ICMT: variants seen among roughly 807,000 people sequenced by gnomAD.
ICMT encodes the protein protein-S-isoprenylcysteine O-methyltransferase.
ICMT carries 10 observed loss-of-function variants against 32.2 expected under a neutral mutation model. The ratio of observed to expected loss-of-function variants is 0.31; its 90% CI spans 0.19 to 0.53. The LOEUF is 0.53. ICMT is among the 20% of genes least tolerant of loss of function. ICMT has a pLI of 0.96. For missense variants in ICMT, 265 were observed against 356.9 expected, an observed-to-expected ratio of 0.74 and a Z score of 2.07; for synonymous variants, 183 against 158.2, an observed-to-expected ratio of 1.16 and a Z score of -1.18.
chr1:6,225,382 G>C (rs1668630129), intron 4 of ICMT, 120 bp from the exon 5 acceptor site: 6 of 924,964 alleles, frequency 6.5e-6, no homozygotes, highest in African/African-American at 1.7e-5. Context: ...GAGACCGTCA[G>C]GGTCTCTGGG....
chr1:6,227,594 G>T (rs762930368), intron 4 of ICMT, among the ~76,000 whole-genome samples: 3 of 152,230 alleles, frequency 2.0e-5, no homozygotes, highest in South Asian at 4.1e-4. Flanking sequence ...GATGGCTCAC[G>T]CCTGTAATCC....
At position 6,224,907 on chromosome 1, in the gene ICMT, T is replaced by C; in HGVS notation, c.*173A>G. 3.0e-6 allele frequency: 2 copies of C among 661,230 alleles called. No homozygotes were observed. The highest frequency in any genetic ancestry group is 5.3e-6 in the Non-Finnish European group (2 of 377,072). The allele number at this position is 661,230 out of a possible 1,614,324, so 41.0% of individuals were successfully genotyped here. A position where few individuals can be genotyped will look rare whatever the true frequency, so the allele number is the denominator to read the frequency against. On this transcript the variant is annotated 3_prime_UTR_variant, in exon 5 of 5. Transcript: ENST00000343813. ...TCGGCATAAGGACAGACTGCTCCAG[T>C]GGGGCCTTGGGTCCTCAGGCCTTCT... is the stretch of plus-strand genomic sequence containing the variant.
In ICMT at chr1:6,234,912, G is replaced by A. The variant is rs762795960; in HGVS notation, c.258C>T (p.Ser86=). The A allele has an allele frequency of 2.5e-6, 4 of 1,613,908 alleles. No individual in the cohort carries two copies. The highest frequency in any genetic ancestry group is 3.4e-6 in the Non-Finnish European group (4 of 1,179,894). Residue 86 remains serine (S), a synonymous_variant, in exon 2 of 5, where the codon AGC becomes AGT. Coordinates refer to ENST00000343813, the MANE Select transcript of ICMT (RefSeq NM_012405.4). ...VFGCGTLLSF[S]QSSWSHFGWY... ...AGCCAAAGTGACTCCAAGAAGACTGGCTAAAACTTAGCAGCGTGCCGCAGC... is the reference window on the plus strand; with the variant it reads ...AGCCAAAGTGACTCCAAGAAGACTGACTAAAACTTAGCAGCGTGCCGCAGC...
At chr1:6,229,596 T>A (rs1378836415) in intron 4 of ICMT, among the ~76,000 whole-genome samples, 1 of 150,636 alleles carries the variant, frequency 6.6e-6, no homozygotes, top group East Asian at 2.0e-4. Context: ...GAGGCGGAGG[T>A]TGCAATGAGC....
intron 2 of ICMT, chr1:6,234,518 G>A (rs750560008): frequency 1.1e-4 from 53 of 483,154 alleles, no homozygotes; most frequent in Non-Finnish European, 2.0e-4. Flanking sequence ...TGACCTAATA[G>A]AAATTAGAGA....
Position 6,221,903 on chromosome 1 carries a change from C to A in ICMT, c.*3177G>T, listed in dbSNP as rs1668560126. ...TTCTGACAGTACCTATTTTCCACTT[C>A]AGAATCTCCACTTTAAAACCTGCAA... On this transcript the variant is annotated 3_prime_UTR_variant, in exon 5 of 5. Coordinates refer to ENST00000343813, the MANE Select transcript of ICMT (RefSeq NM_012405.4). The A allele has an allele frequency of 6.6e-6, 1 of 152,224 alleles. No individual in the cohort carries two copies. The highest frequency in any genetic ancestry group is 2.4e-5 in the African/African-American group (1 of 41,446). 9.4% of individuals were successfully genotyped at this position (152,224 alleles called of 1,614,324 possible). A position where few individuals can be genotyped will look rare whatever the true frequency, so the allele number is the denominator to read the frequency against.
Position 6,221,464 on chromosome 1 carries a change from A to C in ICMT, c.*3616T>G, listed in dbSNP as rs990533670. ...ATGACAGAGAGGCCGAGGCCTTCTA[A>C]CCTTGCCAAACCACTACAAAAGCAA... On this transcript the variant is annotated 3_prime_UTR_variant, in exon 5 of 5. Coordinates refer to ENST00000343813, the MANE Select transcript of ICMT (RefSeq NM_012405.4). 4 of 152,596 alleles carry C rather than the reference A, an allele frequency of 2.6e-5. No homozygotes were observed. Among genetic ancestry groups the C allele is most frequent in the African/African-American group, 9.7e-5 (4 of 41,440 alleles). 9.5% of individuals were successfully genotyped at this position (152,596 alleles called of 1,614,324 possible).
Position 6,224,969 on chromosome 1 carries a change from C to G in ICMT, c.*111G>C. On this transcript the variant is annotated 3_prime_UTR_variant, in exon 5 of 5. Coordinates refer to ENST00000343813, the MANE Select transcript of ICMT (RefSeq NM_012405.4). ...CTTGAGTGACATTCCAGAAGAGTGACTAATGACATAAAACGATTAAGAAAA... is the reference window on the plus strand; with the variant it reads ...CTTGAGTGACATTCCAGAAGAGTGAGTAATGACATAAAACGATTAAGAAAA... 1 of 985,690 alleles carries G rather than the reference C, an allele frequency of 1.0e-6. No homozygotes were observed. The highest frequency in any genetic ancestry group is 2.4e-5 in the East Asian group (1 of 41,760). The allele number at this position is 985,690 out of a possible 1,614,324, so 61.1% of individuals were successfully genotyped here. A position where few individuals can be genotyped will look rare whatever the true frequency, so the allele number is the denominator to read the frequency against.
At chr1:6,231,843 G>A (rs934487671) in intron 4 of ICMT, 59 bp downstream of exon 4, 17 of 1,090,898 alleles carry the variant, frequency 1.6e-5, no homozygotes, top group South Asian at 3.4e-5. Context: ...TGAATATCAC[G>A]TTTAAAATGT....
At chr1:6,232,394 C>T (rs971026783) in intron 3 of ICMT, among the ~76,000 whole-genome samples, 11 of 152,182 alleles carry the variant, frequency 7.2e-5, no homozygotes, top group African/African-American at 2.2e-4. Flanking sequence ...CTCTGGTTCA[C>T]GACCCCCGGC....
chr1:6,233,174 G>A (rs752147352), intron 3 of ICMT, among the ~76,000 whole-genome samples: 31 of 152,230 alleles, frequency 2.0e-4, no homozygotes, highest in African/African-American at 2.9e-4. Flanking sequence ...TACATGAAAC[G>A]TCTAAATATC....
chr1:6,227,650 T>C (rs1459999244), intron 4 of ICMT, among the ~76,000 whole-genome samples: 6 of 151,642 alleles, frequency 4.0e-5, no homozygotes, highest in Non-Finnish European at 8.8e-5. Flanking sequence ...GGTCAGGAGA[T>C]TGAGATCATC....
chr1:6,225,361 C>T (rs1354061449), intron 4 of ICMT, 99 bp from the exon 5 acceptor site: 15 of 1,203,170 alleles, frequency 1.2e-5, no homozygotes, highest in Admixed American at 2.1e-5. Context: ...TTTCTGTGCC[C>T]ATGCCCTGCT....
intron 3 of ICMT, 23 bp downstream of exon 3, chr1:6,233,451 A>AG: frequency 1.2e-6 from 2 of 1,603,584 alleles, no homozygotes; most frequent in Non-Finnish European, 1.7e-6. Flanking sequence ...TCCCCTCCAG[A>AG]GGGGGACATA....
chr1:6,228,588 T>A (rs1474578385), intron 4 of ICMT, among the ~76,000 whole-genome samples: 2 of 151,976 alleles, frequency 1.3e-5, no homozygotes, highest in Non-Finnish European at 2.9e-5. Flanking sequence ...ATGATCTGCC[T>A]GCCTCAGCCT....
chr1:6,231,948 C>T lies in ICMT; in HGVS notation c.626G>A (p.Arg209Gln). The T allele has an allele frequency of 1.2e-6, 2 of 1,601,024 alleles. No individual in the cohort carries two copies. Among genetic ancestry groups the T allele is most frequent in the Non-Finnish European group, 1.7e-6 (2 of 1,169,788 alleles). Residue 209 changes from arginine (R) to glutamine (Q), a missense_variant, in exon 4 of 5, where the codon CGG becomes CAG. Arg to Gln is a conservative substitution (Grantham distance 43). Coordinates refer to ENST00000343813, the MANE Select transcript of ICMT (RefSeq NM_012405.4). ...AAACCACCCGACGTAAGAAGGATGC[C>T]GAAACCAAGCGTACACTCCACTGGT... The part of the protein sequence containing the change: ...LVTSGVYAWF[R>Q]HPSYVGWFYW...
chr1:6,233,686 C>G, intron 2 of ICMT, 43 bp from the exon 3 acceptor site: 1 of 1,548,800 alleles, frequency 6.5e-7, no homozygotes. Context: ...ACAAGAGAAC[C>G]AAGTTAACCA....
chr1:6,235,846 C>G lies in ICMT; in HGVS notation c.66G>C (p.Leu22=). 7.9e-7 allele frequency: 1 copy of G among 1,273,662 alleles called. No homozygotes were observed. The highest frequency in any genetic ancestry group is 1.0e-6 in the Non-Finnish European group (1 of 1,000,732). The allele number at this position is 1,273,662 out of a possible 1,614,324, so 78.9% of individuals were successfully genotyped here. ...SEARLSLATF[L]LGASVLALPL... ...GCAGCGCGAGCACCGAGGCGCCCAG[C>G]AGGAAGGTGGCGAGGCTGAGACGCG... The change falls in exon 1 of 5, where the codon CTG becomes CTC. Residue 22 remains leucine (L), a synonymous_variant. Coordinates refer to ENST00000343813, the MANE Select transcript of ICMT (RefSeq NM_012405.4).
In ICMT at chr1:6,224,834, T is replaced by G. The variant is rs750243192; in HGVS notation, c.*246A>C. The G allele has an allele frequency of 8.5e-6, 4 of 467,904 alleles. No individual in the cohort carries two copies. Among genetic ancestry groups the G allele is most frequent in the Non-Finnish European group, 1.5e-5 (4 of 263,940 alleles). 29.0% of individuals were successfully genotyped at this position (467,904 alleles called of 1,614,324 possible). A position where few individuals can be genotyped will look rare whatever the true frequency, so the allele number is the denominator to read the frequency against. ...AACTCTGGAGGGCGCTGTGGAATAT[T>G]GCTGTGATTTGCCCCTTACTCGTCT... On this transcript the variant is annotated 3_prime_UTR_variant, in exon 5 of 5. Transcript: ENST00000343813.
Sources: allele counts gnomAD v4.1 joint callset (sites outside exome capture counted in the v4.1 genomes callset), GRCh38; gene constraint gnomAD v4.1.1; transcripts MANE v1.5; gene names NCBI Gene and HGNC (gene_info 2026-07-23, HGNC 2026-07-21).